ZNF525: variants seen among roughly 807,000 people sequenced by gnomAD.
The protein encoded by ZNF525 is zinc finger protein 525.
Under a neutral mutation model 37.6 loss-of-function variants are expected in ZNF525, and 33 were observed. The observed-to-expected ratio is 0.88, with a 90% CI of 0.67 to 1.17. The LOEUF is 1.17. ZNF525 is among the 50% of genes most tolerant of loss of function. ZNF525 has a pLI of 0.00. For synonymous variants in ZNF525, 170 were observed against 182.3 expected, an observed-to-expected ratio of 0.93 and a Z score of 0.54; for missense variants, 449 against 543.1, an observed-to-expected ratio of 0.83 and a Z score of 1.72.
chr19:53,366,000 G>A (rs1178482317), intron 1 of ZNF525, among the ~76,000 whole-genome samples: 3 of 152,060 alleles, frequency 2.0e-5, no homozygotes, highest in African/African-American at 7.2e-5. Flanking sequence ...CTATCGCGTA[G>A]TTTTCCTGCT....
At chr19:53,370,142 T>C (rs1356498618) in intron 1 of ZNF525, among the ~76,000 whole-genome samples, 2 of 150,020 alleles carry the variant, frequency 1.3e-5, no homozygotes, top group Non-Finnish European at 3.0e-5. Flanking sequence ...TTCAGGTAGC[T>C]GGGTGCGGTG....
In ZNF525 at chr19:53,384,165, C is replaced by T. The variant is rs1173462098; in HGVS notation, c.*2146C>T. 3 of 393,990 alleles carry T rather than the reference C, an allele frequency of 7.6e-6. No individual in the cohort carries two copies. In the East Asian group the frequency reaches 2.1e-4, roughly 27 times the overall value. 24.4% of individuals were successfully genotyped at this position (393,990 alleles called of 1,614,324 possible). A position where few individuals can be genotyped will look rare whatever the true frequency, so the allele number is the denominator to read the frequency against. On this transcript the variant is annotated 3_prime_UTR_variant, in exon 4 of 4. Coordinates refer to ENST00000474037, the MANE Select transcript of ZNF525 (RefSeq NM_001348156.2). The stretch of plus-strand genomic sequence containing the variant: ...AGTTGACTTAACATTGAGTTCAAGC[C>T]TTAATTGACATTAAAGTGTTTATGT...
chr19:53,377,539 T>C (rs2085530845), intron 3 of ZNF525, among the ~76,000 whole-genome samples: 1 of 151,620 alleles, frequency 6.6e-6, no homozygotes, highest in Admixed American at 6.6e-5. Context: ...GGAGTTACTC[T>C]TAGGCTTCTT....
At chr19:53,367,462 AG>A (rs1184047042) in intron 1 of ZNF525, among the ~76,000 whole-genome samples, 1 of 152,194 alleles carries the variant, frequency 6.6e-6, no homozygotes, top group Non-Finnish European at 1.5e-5. Context: ...CAGAGCTATT[AG>A]CTGAGTGGTA....
intron 1 of ZNF525, among the ~76,000 whole-genome samples, chr19:53,371,133 C>T (rs1321462576): frequency 3.3e-5 from 5 of 152,012 alleles, no homozygotes; most frequent in African/African-American, 4.8e-5. Flanking sequence ...GAAGTTCCCT[C>T]TGCCCATCAG....
intron 3 of ZNF525, among the ~76,000 whole-genome samples, chr19:53,378,477 C>T (rs758662763): frequency 9.9e-5 from 15 of 152,228 alleles, no homozygotes; most frequent in Non-Finnish European, 1.9e-4. Flanking sequence ...TCTCTTGAGG[C>T]AGGAGAATCG....
At chr19:53,379,770 G>C (rs2085546201) in intron 3 of ZNF525, among the ~76,000 whole-genome samples, 1 of 152,198 alleles carries the variant, frequency 6.6e-6, no homozygotes, top group African/African-American at 2.4e-5. Flanking sequence ...GGGAGGCTGA[G>C]GCGGGTGGAT....
At position 53,384,976 on chromosome 19, in the gene ZNF525, T is replaced by A; in HGVS notation, c.*2957T>A. 3 of 702,466 alleles carry A rather than the reference T, an allele frequency of 4.3e-6. No homozygotes were observed. The highest frequency in any genetic ancestry group is 7.8e-6 in the Non-Finnish European group (3 of 384,814). The allele number at this position is 702,466 out of a possible 1,614,324, so 43.5% of individuals were successfully genotyped here. On this transcript the variant is annotated 3_prime_UTR_variant, in exon 4 of 4. Transcript: ENST00000474037. ...CCTTTTCTATTTTGTTTAGGATTTC[T>A]ATGATGACTGGATTTTGAATTTTGT...
At chr19:53,377,220 C>A (rs1448521487) in intron 3 of ZNF525, among the ~76,000 whole-genome samples, 1 of 152,182 alleles carries the variant, frequency 6.6e-6, no homozygotes, top group Non-Finnish European at 1.5e-5. Context: ...TCTTGTCACC[C>A]ATGCTAGAGT....
chr19:53,386,514 T>C lies in ZNF525; in HGVS notation c.*4495T>C, dbSNP rs1191904579. 5.1e-5 allele frequency: 29 copies of C among 567,338 alleles called. No individual in the cohort carries two copies. Among genetic ancestry groups the C allele is most frequent in the Non-Finnish European group, 2.6e-5 (8 of 311,648 alleles). 35.1% of individuals were successfully genotyped at this position (567,338 alleles called of 1,614,324 possible). On this transcript the variant is annotated 3_prime_UTR_variant, in exon 4 of 4. Coordinates refer to ENST00000474037, the MANE Select transcript of ZNF525 (RefSeq NM_001348156.2). ...CATGTTTTATTGGGAATATGTTTTT[T>C]CTCTGTAAATTTGTTATAAACGCAT...
At position 53,383,183 on chromosome 19, in the gene ZNF525, C is replaced by A. The variant is rs1481639746; in HGVS notation, c.*1164C>A. 2 of 1,374,626 alleles carry A rather than the reference C, an allele frequency of 1.5e-6. No individual in the cohort carries two copies. Among genetic ancestry groups the A allele is most frequent in the African/African-American group, 1.4e-5 (1 of 69,560 alleles). The allele number at this position is 1,374,626 out of a possible 1,614,324, so 85.2% of individuals were successfully genotyped here. On this transcript the variant is annotated 3_prime_UTR_variant, in exon 4 of 4. Transcript: ENST00000474037. ...TAATGAGTGTGGCAAGACCTACTCT[C>A]ACAATTCAGTCCTTGTAATTCATAA...
intron 1 of ZNF525, among the ~76,000 whole-genome samples, chr19:53,366,750 C>A (rs916651472): frequency 1.3e-5 from 2 of 148,980 alleles, no homozygotes; most frequent in South Asian, 2.1e-4. Context: ...GAGGGAGAAC[C>A]ACAGCAGGGA....
chr19:53,370,613 G>A (rs2085481171), intron 1 of ZNF525, among the ~76,000 whole-genome samples: 1 of 152,018 alleles, frequency 6.6e-6, no homozygotes, highest in African/African-American at 2.4e-5. Flanking sequence ...TCTGGGTGTG[G>A]CTTTTCTTCT....
In ZNF525 at chr19:53,383,580, G is replaced by A; in HGVS notation, c.*1561G>A. On this transcript the variant is annotated 3_prime_UTR_variant, in exon 4 of 4. Transcript: ENST00000474037. ...GAGAAACCTTACAAGTGTAATGAGTGTGTCAAAGCCTTTAGTGGGCAGTCA... is the reference window on the plus strand; with the variant it reads ...GAGAAACCTTACAAGTGTAATGAGTATGTCAAAGCCTTTAGTGGGCAGTCA... 1 of 1,451,402 alleles carries A rather than the reference G, an allele frequency of 6.9e-7. No individual in the cohort carries two copies. The highest frequency in any genetic ancestry group is 1.2e-5 in the South Asian group (1 of 82,150). 89.9% of individuals were successfully genotyped at this position (1,451,402 alleles called of 1,614,324 possible). A position where few individuals can be genotyped will look rare whatever the true frequency, so the allele number is the denominator to read the frequency against.
rs2147076819 is a variant in ZNF525, at chr19:53,384,480, T to C, written c.*2461T>C. The stretch of plus-strand genomic sequence containing the variant: ...ATATGTTTTTAATCATTTTGATCAA[T>C]TTTTGTTGATTTCAAGGTACAAACG... On this transcript the variant is annotated 3_prime_UTR_variant, in exon 4 of 4. Transcript: ENST00000474037. The C allele has an allele frequency of 6.4e-6, 1 of 155,814 alleles. No individual in the cohort carries two copies. The highest frequency in any genetic ancestry group is 1.9e-4 in the East Asian group (1 of 5,220). The allele number at this position is 155,814 out of a possible 1,614,324, so 9.7% of individuals were successfully genotyped here.
intron 2 of ZNF525, among the ~76,000 whole-genome samples, chr19:53,375,165 C>T (rs1188919592): frequency 6.6e-6 from 1 of 152,058 alleles, no homozygotes; most frequent in Non-Finnish European, 1.5e-5. Context: ...GCTGGGATAA[C>T]AGGCATGTGC....
At position 53,381,729 on chromosome 19, in the gene ZNF525, A is replaced by G; in HGVS notation, c.1150A>G (p.Lys384Glu). The G allele has an allele frequency of 9.2e-7, 1 of 1,083,530 alleles. No homozygotes were observed. The highest frequency in any genetic ancestry group is 1.4e-6 in the Non-Finnish European group (1 of 694,924). 67.1% of individuals were successfully genotyped at this position (1,083,530 alleles called of 1,614,324 possible). A position where few individuals can be genotyped will look rare whatever the true frequency, so the allele number is the denominator to read the frequency against. ...AACTCATACTGGAGAGAAACCATAC[A>G]AGTGTAATGATTGTGGCAAGACCTT... The part of the protein sequence containing the change: ...RITHTGEKPY[K>E]CNDCGKTFSH... Residue 384 changes from lysine (K) to glutamate (E), a missense_variant, in exon 4 of 4, where the codon AAG (lysine) becomes GAG (glutamate). Around this residue, in one of 2 missense-constraint regions of ZNF525, gnomAD observed 178 missense variants for 161.5 expected, o/e 1.10. Coordinates refer to ENST00000474037, the MANE Select transcript of ZNF525 (RefSeq NM_001348156.2).
At chr19:53,373,194 G>A (rs2085499416) in intron 2 of ZNF525, among the ~76,000 whole-genome samples, 1 of 152,068 alleles carries the variant, frequency 6.6e-6, no homozygotes, top group African/African-American at 2.4e-5. Flanking sequence ...CCAGGTTCAA[G>A]CGATTCTCCT....
In ZNF525 at chr19:53,383,464, A is replaced by G. The variant is rs185000764; in HGVS notation, c.*1445A>G. ...AACCTCGAAAGACAGGAGAATTCAT[A>G]CTGGAGAGAAACCATAAAAATGTAA... On this transcript the variant is annotated 3_prime_UTR_variant, in exon 4 of 4. Transcript: ENST00000474037. 13 of 1,022,162 alleles carry G rather than the reference A, an allele frequency of 1.3e-5. No individual in the cohort carries two copies. Among genetic ancestry groups the G allele is most frequent in the Admixed American group, 3.8e-5 (2 of 52,912 alleles). 63.3% of individuals were successfully genotyped at this position (1,022,162 alleles called of 1,614,324 possible). A position where few individuals can be genotyped will look rare whatever the true frequency, so the allele number is the denominator to read the frequency against.
Sources: gnomAD v4.1 joint callset for allele counts (sites outside exome capture counted in the v4.1 genomes callset) on GRCh38, gnomAD v4.1.1 for gene constraint, gnomAD v4.1.1 regional missense constraint, MANE v1.5 for transcripts, NCBI Gene and HGNC (gene_info 2026-07-23, HGNC 2026-07-21) for gene names.